SOX6: variants seen among roughly 807,000 people sequenced by gnomAD.
SOX6 encodes the protein transcription factor SOX-6.
In SOX6, 11 loss-of-function variants were observed where a neutral mutation model predicts 97.8. The ratio of observed to expected loss-of-function variants is 0.11; its 90% CI spans 0.07 to 0.19. The LOEUF is 0.19. SOX6 is among the 10% of genes least tolerant of loss of function. The probability of loss-of-function intolerance (pLI) is 1.00; values close to 1 mark genes in which losing one functional copy is unlikely to be tolerated. For synonymous variants in SOX6, 360 were observed against 371.4 expected (o/e 0.97, Z 0.35); for missense variants, 810 against 1,039.5 (o/e 0.78, Z 3.04).
At chr11:16,404,680 G>C (rs1858647877) in intron 1 of SOX6, among the ~76,000 whole-genome samples, 5 of 151,874 alleles carry the variant, frequency 3.3e-5, no homozygotes, top group Admixed American at 3.3e-4. Context: ...AGACAATATT[G>C]CATAAAAGGT....
At chr11:16,539,880 T>A (rs1347868962) in intron 4 of SOX6, among the ~76,000 whole-genome samples, 1 of 152,202 alleles carries the variant, frequency 6.6e-6, no homozygotes, top group Non-Finnish European at 1.5e-5. Context: ...AGCCAAATTC[T>A]ACCAGAGGTA....
At chr11:16,315,580 T>A (rs1010481464) in intron 3 of SOX6, 1 of 152,178 alleles carries the variant, frequency 6.6e-6, no homozygotes, top group Non-Finnish European at 1.5e-5. Flanking sequence ...TTGCTGCATA[T>A]CTCTAAGGAT....
chr11:16,359,191 G>A (rs1283449838), upstream of SOX6, among the ~76,000 whole-genome samples: 1 of 151,834 alleles, frequency 6.6e-6, no homozygotes, highest in Non-Finnish European at 1.5e-5. Flanking sequence ...CGAGAAGTTT[G>A]TCTGGTGGAA....
chr11:16,732,961 T>C (rs896371018), intron 2 of SOX6, among the ~76,000 whole-genome samples: 1 of 152,222 alleles, frequency 6.6e-6, no homozygotes. Flanking sequence ...AAGACACTTA[T>C]GCAGCCAACA....
chr11:16,049,110 A>G (rs1464850456), intron 11 of SOX6, among the ~76,000 whole-genome samples: 1 of 152,130 alleles, frequency 6.6e-6, no homozygotes, highest in East Asian at 1.9e-4. Flanking sequence ...AAAATATTAA[A>G]TAACTTTCTT....
chr11:16,608,140 T>C (rs535679891), intron 4 of SOX6, among the ~76,000 whole-genome samples: 38 of 151,338 alleles, frequency 2.5e-4, no homozygotes, highest in Middle Eastern at 3.5e-3. Flanking sequence ...AAGAGCTCTA[T>C]TGGGGCTAGG....
rs74748105 is a variant in SOX6, at chr11:16,704,817, T to C, written n.429+10013A>G. Among the ~76,000 whole-genome samples, 543 of 152,314 alleles carry C rather than the reference T, an allele frequency of 3.6e-3. 4 individuals are homozygous for C. The highest frequency in any genetic ancestry group is 0.011 in the African/African-American group (471 of 41,556). On this transcript the variant is annotated intron_variant and non_coding_transcript_variant, in intron 3 of 5. Coordinates refer to the SOX6 transcript ENST00000524520. ...AAACTAGGTTACCTTCTGGATAAACTAGGTTACAAATTATAGGAAATGTTT... is the reference window on the plus strand; with the variant it reads ...AAACTAGGTTACCTTCTGGATAAACCAGGTTACAAATTATAGGAAATGTTT...
intron 4 of SOX6, among the ~76,000 whole-genome samples, chr11:16,192,859 A>G (rs1851668064): frequency 1.3e-5 from 2 of 152,192 alleles, no homozygotes; most frequent in African/African-American, 4.8e-5. Flanking sequence ...TATAATCAAA[A>G]TCAGTGGTGC....
intron 14 of SOX6, among the ~76,000 whole-genome samples, chr11:15,987,673 G>A (rs1295324081): frequency 6.7e-6 from 1 of 148,504 alleles, no homozygotes; most frequent in Non-Finnish European, 1.5e-5. Context: ...AAAACTGTAA[G>A]GCCAGAGAAG....
At chr11:16,161,467 ATAT>A (rs1850748150) in intron 6 of SOX6, among the ~76,000 whole-genome samples, 1 of 152,000 alleles carries the variant, frequency 6.6e-6, no homozygotes, top group African/African-American at 2.4e-5. Context: ...CCTAATCCAA[ATAT>A]TATGTCAAGT....
chr11:16,008,803 T>C (rs1590126203), intron 13 of SOX6, among the ~76,000 whole-genome samples: 1 of 152,130 alleles, frequency 6.6e-6, no homozygotes, highest in African/African-American at 2.4e-5. Context: ...AAACTGTTTA[T>C]ATCCACAGTA....
At chr11:15,989,449 T>C (rs1590112326) in intron 13 of SOX6, among the ~76,000 whole-genome samples, 1 of 152,172 alleles carries the variant, frequency 6.6e-6, no homozygotes, top group African/African-American at 2.4e-5. Context: ...GTGTGTTTTA[T>C]ACACCCTACC....
At chr11:16,168,390 T>A (rs1051963029) in intron 6 of SOX6, among the ~76,000 whole-genome samples, 2 of 152,152 alleles carry the variant, frequency 1.3e-5, no homozygotes, top group African/African-American at 4.8e-5. Flanking sequence ...AAAGCAAGCT[T>A]AACCTAATTA....
At position 16,222,549 on chromosome 11, in the gene SOX6, A is replaced by G. The variant is rs145934418; in HGVS notation, c.535+12033T>C. 1.5e-4 allele frequency among the ~76,000 whole-genome samples: 23 copies of G among 152,200 alleles called. No homozygotes were observed. The East Asian group carries it at 4.4e-3, about 29-fold the overall frequency. On this transcript the variant is annotated intron_variant, in intron 4 of 15. Transcript: ENST00000683767. Reference sequence around the variant, plus strand: ...GGTTTAATATCATAACTTCTAAATGAATTAGTAAGTACTTTTAAATTTTCT... The same window carrying G: ...GGTTTAATATCATAACTTCTAAATGGATTAGTAAGTACTTTTAAATTTTCT...
chr11:16,618,015 A>T (rs1360581561), intron 3 of SOX6, among the ~76,000 whole-genome samples: 1 of 151,886 alleles, frequency 6.6e-6, no homozygotes, highest in Non-Finnish European at 1.5e-5. Flanking sequence ...TAAAGTAATT[A>T]TTGCAAGAGA....
At chr11:16,363,561 A>G (rs965325937) in intron 1 of SOX6, among the ~76,000 whole-genome samples, 2 of 152,144 alleles carry the variant, frequency 1.3e-5, no homozygotes, top group African/African-American at 2.4e-5. Flanking sequence ...ATAAATCACA[A>G]TGGTAGGTGG....
chr11:16,647,129 T>C (rs927307173), intron 3 of SOX6, among the ~76,000 whole-genome samples: 1 of 152,144 alleles, frequency 6.6e-6, no homozygotes. Flanking sequence ...CATTTGTGGA[T>C]ATTAGTCCTT....
chr11:16,111,937 G>A lies in SOX6; in HGVS notation c.778-14C>T. ...GTGACCCTGAACCTGCTAAACAGAA[G>A]AGAGCCTATGATCAGACAGGGAGCA... is the stretch of plus-strand genomic sequence containing the variant. On this transcript the variant is annotated splice_polypyrimidine_tract_variant and intron_variant, in intron 6 of 15. Transcript: ENST00000683767. 1 of 1,611,900 alleles carries A rather than the reference G, an allele frequency of 6.2e-7. No homozygotes were observed. Among genetic ancestry groups the A allele is most frequent in the South Asian group, 1.1e-5 (1 of 90,998 alleles).
At chr11:16,514,232 A>AG (rs1860926781) in intron 4 of SOX6, among the ~76,000 whole-genome samples, 1 of 151,066 alleles carries the variant, frequency 6.6e-6, no homozygotes, top group Non-Finnish European at 1.5e-5. Flanking sequence ...AAAAAAAAAA[A>AG]GGTGTTTAAA....
Sources: gnomAD v4.1 joint callset for allele counts (sites outside exome capture counted in the v4.1 genomes callset) on GRCh38, gnomAD v4.1.1 for gene constraint, MANE v1.5 for transcripts, NCBI Gene and HGNC (gene_info 2026-07-23, HGNC 2026-07-21) for gene names.